Variants in MEOX2 observed in about 807,000 individuals in gnomAD.
MEOX2 encodes mesenchyme homeobox 2.
A neutral mutation model predicts 27.0 loss-of-function variants in MEOX2; 11 were observed. That is an observed-to-expected ratio of 0.41 (90% confidence interval 0.26 to 0.68). The LOEUF is 0.68. MEOX2 is among the 30% of genes least tolerant of loss of function. MEOX2 has a pLI of 0.33. For synonymous variants in MEOX2, 189 were observed against 155.4 expected (o/e 1.22, Z -1.61); for missense variants, 436 against 385.4 (o/e 1.13, Z -1.10).
At chr7:15,653,996 G>A (rs762637587) in intron 1 of MEOX2, among the ~76,000 whole-genome samples, 16 of 151,858 alleles carry the variant, frequency 1.1e-4, no homozygotes, top group African/African-American at 2.2e-4. Context: ...AGCAAATTGG[G>A]GGAAATTGAC....
At chr7:15,672,642 C>G (rs372497317) in intron 1 of MEOX2, among the ~76,000 whole-genome samples, 24 of 151,910 alleles carry the variant, frequency 1.6e-4, no homozygotes, top group African/African-American at 5.6e-4. Flanking sequence ...CCCATAATCC[C>G]AACACTTTGG....
chr7:15,658,884 C>A (rs1781865510), intron 1 of MEOX2, among the ~76,000 whole-genome samples: 1 of 152,208 alleles, frequency 6.6e-6, no homozygotes, highest in Admixed American at 6.5e-5. Flanking sequence ...TTAAGACAAC[C>A]AGTCTGTAAT....
At chr7:15,626,999 A>G in intron 1 of MEOX2, 81 bp from the exon 2 acceptor site, 1 of 1,412,336 alleles carries the variant, frequency 7.1e-7, no homozygotes, top group African/African-American at 1.4e-5. Flanking sequence ...TTATTGAATT[A>G]CTACTTTTCC....
rs71549949 is a variant in MEOX2 at position 15,627,808 on chromosome 7, A to AACACACACAC, written c.518-900_518-891dup. Among the ~76,000 whole-genome samples, 134 of 147,364 alleles carry AACACACACAC rather than the reference A, an allele frequency of 9.1e-4. 1 individual carries two copies. Among genetic ancestry groups the AACACACACAC allele is most frequent in the East Asian group, 3.6e-3 (18 of 4,982 alleles). On this transcript the variant is annotated intron_variant, in intron 1 of 2. Transcript: ENST00000262041. The stretch of plus-strand genomic sequence containing the variant: ...AAAAGCAGAACGTGAATCAATAGTA[A>AACACACACAC]ACACACACACACACACACGTCAAGT...
intron 1 of MEOX2, among the ~76,000 whole-genome samples, chr7:15,669,880 A>G (rs533578357): frequency 7.9e-5 from 12 of 152,344 alleles, no homozygotes; most frequent in African/African-American, 2.6e-4. Context: ...CTAGGTCATT[A>G]GTTGCCACTG....
intron 1 of MEOX2, among the ~76,000 whole-genome samples, chr7:15,642,656 G>T (rs1185948232): frequency 6.6e-6 from 1 of 152,138 alleles, no homozygotes; most frequent in East Asian, 1.9e-4. Context: ...AACTAACATG[G>T]TCCTTTGAGG....
chr7:15,629,034 A>G (rs1234413860), intron 1 of MEOX2, among the ~76,000 whole-genome samples: 1 of 152,046 alleles, frequency 6.6e-6, no homozygotes, highest in African/African-American at 2.4e-5. Flanking sequence ...CTTTCAGTCA[A>G]GCAACTCTGG....
In MEOX2 at chr7:15,652,479, T is replaced by C. The variant is rs1193487598; in HGVS notation, c.518-25561A>G. Among the ~76,000 whole-genome samples, 3 of 152,002 alleles carry C rather than the reference T, an allele frequency of 2.0e-5. No homozygotes were observed. The East Asian group carries it at 5.8e-4, about 29-fold the overall frequency. On this transcript the variant is annotated intron_variant, in intron 1 of 2. Transcript: ENST00000262041. ...TGAAAGCAGCAATAACACTGCCACATTGGAAAAGAAAATATCTAAGAAGAG... is the reference window on the plus strand; with the variant it reads ...TGAAAGCAGCAATAACACTGCCACACTGGAAAAGAAAATATCTAAGAAGAG...
chr7:15,613,905 A>T lies in MEOX2; in HGVS notation c.691-1294T>A, dbSNP rs554220943. Among the ~76,000 whole-genome samples the T allele has an allele frequency of 2.6e-5, 4 of 152,122 alleles. 1 individual carries two copies. The highest frequency in any genetic ancestry group is 9.6e-5 in the African/African-American group (4 of 41,540). ...TTCTTGCATTTGTGTCCTGATAAGC[A>T]TATCATGGGAACTTCCCTGGAGACT... On this transcript the variant is annotated intron_variant, in intron 2 of 2. Coordinates refer to ENST00000262041, the MANE Select transcript of MEOX2 (RefSeq NM_005924.5).
intron 1 of MEOX2, among the ~76,000 whole-genome samples, chr7:15,685,529 A>G (rs1476888155): frequency 6.6e-6 from 1 of 152,204 alleles, no homozygotes; most frequent in Non-Finnish European, 1.5e-5. Flanking sequence ...ACGCCTGCCC[A>G]ACGGACGCTG....
At chr7:15,651,680 T>C (rs531449850) in intron 1 of MEOX2, among the ~76,000 whole-genome samples, 1 of 152,004 alleles carries the variant, frequency 6.6e-6, no homozygotes, top group Non-Finnish European at 1.5e-5. Context: ...CACTAGACTC[T>C]GTACTCTTGA....
chr7:15,672,918 A>G (rs909776177), intron 1 of MEOX2, among the ~76,000 whole-genome samples: 1 of 152,044 alleles, frequency 6.6e-6, no homozygotes, highest in Non-Finnish European at 1.5e-5. Context: ...AAAAGAAAAA[A>G]GAAAGTATCC....
At chr7:15,685,294 A>T (rs1340736883) in intron 1 of MEOX2, among the ~76,000 whole-genome samples, 3 of 152,210 alleles carry the variant, frequency 2.0e-5, no homozygotes, top group African/African-American at 7.2e-5. Flanking sequence ...TCCCCAATAA[A>T]GGGAAAATTT....
At chr7:15,661,175 T>C (rs373019727) in intron 1 of MEOX2, among the ~76,000 whole-genome samples, 39 of 152,228 alleles carry the variant, frequency 2.6e-4, no homozygotes, top group African/African-American at 9.1e-4. Flanking sequence ...AATGTAAAAT[T>C]GGTAGGCTTT....
intron 2 of MEOX2, among the ~76,000 whole-genome samples, chr7:15,613,949 C>T (rs1020445633): frequency 6.6e-6 from 1 of 151,770 alleles, no homozygotes; most frequent in Non-Finnish European, 1.5e-5. Context: ...ATGGCTGCTG[C>T]TATCTATCTT....
intron 1 of MEOX2, among the ~76,000 whole-genome samples, chr7:15,653,321 C>G (rs751556990): frequency 6.6e-6 from 1 of 151,884 alleles, no homozygotes; most frequent in Non-Finnish European, 1.5e-5. Context: ...GGCCCACTTT[C>G]GTATTTGATT....
intron 1 of MEOX2, among the ~76,000 whole-genome samples, chr7:15,628,868 G>A (rs1288727646): frequency 3.3e-5 from 5 of 152,102 alleles, no homozygotes; most frequent in Non-Finnish European, 7.4e-5. Context: ...CTTGCAGCCT[G>A]CAAACTCAGT....
intron 1 of MEOX2, among the ~76,000 whole-genome samples, chr7:15,633,565 G>A (rs1781435960): frequency 6.6e-6 from 1 of 151,782 alleles, no homozygotes; most frequent in African/African-American, 2.4e-5. Flanking sequence ...AAAACCCTTG[G>A]ACATGCAACA....
chr7:15,639,858 T>C (rs1289064005), intron 1 of MEOX2, among the ~76,000 whole-genome samples: 2 of 152,208 alleles, frequency 1.3e-5, no homozygotes, highest in Non-Finnish European at 2.9e-5. Flanking sequence ...TTTTGGTTAC[T>C]AAAGCCTTCT....
Sources: allele counts gnomAD v4.1 joint callset (sites outside exome capture counted in the v4.1 genomes callset), GRCh38; gene constraint gnomAD v4.1.1; transcripts MANE v1.5; gene names NCBI Gene and HGNC (gene_info 2026-07-23, HGNC 2026-07-21).